Variants in ARHGAP22 observed in about 807,000 individuals in gnomAD.
ARHGAP22 encodes Rho GTPase activating protein 22.
ARHGAP22 carries 48 observed loss-of-function variants against 59.1 expected under a neutral mutation model. The observed-to-expected ratio is 0.81, with a 90% CI of 0.64 to 1.03. The LOEUF is 1.03. Among genes scored for constraint, ARHGAP22 ranks in the 50% least tolerant of loss-of-function variants. The probability of loss-of-function intolerance (pLI) is 0.00; values close to 1 mark genes in which losing one functional copy is unlikely to be tolerated. For synonymous variants in ARHGAP22, 445 were observed against 416.4 expected (o/e 1.07, Z -0.84); for missense variants, 1,015 against 958.7 (o/e 1.06, Z -0.78).
intron 9 of ARHGAP22, 137 bp downstream of exon 9, chr10:48,450,124 G>C: frequency 1.6e-6 from 2 of 1,283,526 alleles, no homozygotes; most frequent in Non-Finnish European, 2.1e-6. Flanking sequence ...CTTTCCCAGA[G>C]CTAGGATTCC....
rs113456135 is a variant in ARHGAP22 at position 48,504,082 on chromosome 10, A to G, written c.323-24318T>C. Among the ~76,000 whole-genome samples the G allele has an allele frequency of 2.7e-3, 404 of 151,788 alleles. 1 individual carries two copies. Among genetic ancestry groups the G allele is most frequent in the African/African-American group, 9.6e-3 (394 of 41,074 alleles). On this transcript the variant is annotated intron_variant, in intron 3 of 9. Coordinates refer to ENST00000249601, the MANE Select transcript of ARHGAP22 (RefSeq NM_021226.4). ...AGGGATGGGAAGGAGGGAGAGCCCC[A>G]CAGGGAAGCTGGATAAGCTGCCTGC...
At chr10:48,508,548 G>A (rs1160083419) in intron 3 of ARHGAP22, among the ~76,000 whole-genome samples, 1 of 152,216 alleles carries the variant, frequency 6.6e-6, no homozygotes, top group Non-Finnish European at 1.5e-5. Flanking sequence ...CCTCCTTTTG[G>A]AGCCATGTCT....
intron 4 of ARHGAP22, among the ~76,000 whole-genome samples, chr10:48,478,255 G>A (rs1004567733): frequency 1.1e-4 from 16 of 152,236 alleles, no homozygotes; most frequent in African/African-American, 3.9e-4. Context: ...TAAGTCAAAT[G>A]TGCTGCAACC....
the ARHGAP22 span, chr10:48,439,238 T>C: frequency 6.6e-6 from 1 of 150,646 alleles, no homozygotes; most frequent in African/African-American, 2.5e-5. Flanking sequence ...TATTGTGGTT[T>C]TTCATCATTC....
rs140526516 is a variant in ARHGAP22, at chr10:48,587,868, T to A, written c.35-4716A>T. On this transcript the variant is annotated intron_variant, in intron 1 of 9. Transcript: ENST00000249601. ...AGGAGCTCAACAAAAACTCGGTAAC[T>A]CATCAGCACAGTCCAGCTCCTCTGA... Among the ~76,000 whole-genome samples the A allele has an allele frequency of 3.9e-3, 591 of 152,346 alleles. 5 individuals are homozygous for A. Among genetic ancestry groups the A allele is most frequent in the Non-Finnish European group, 7.0e-3 (477 of 68,034 alleles).
intron 1 of ARHGAP22, among the ~76,000 whole-genome samples, chr10:48,621,144 T>C (rs1165057993): frequency 6.6e-6 from 1 of 152,272 alleles, no homozygotes; most frequent in Non-Finnish European, 1.5e-5. Context: ...TTAGACTCTT[T>C]CATTGTATAT....
chr10:48,450,269 A>G lies in ARHGAP22; in HGVS notation c.1860T>C (p.Ser620=), dbSNP rs371431450. The part of the protein sequence containing the change: ...LCRQRTEYER[S]VKRIEEGSAD... The stretch of plus-strand genomic sequence containing the variant: ...ACGGGGCAGCAAGTTACCTTTTCAC[A>G]CTCCTCTCGTACTCAGTCCGCTGGC... The change falls in exon 9 of 10, where the codon AGT becomes AGC. Residue 620 remains serine (S), a synonymous_variant. Coordinates refer to ENST00000249601, the MANE Select transcript of ARHGAP22 (RefSeq NM_021226.4). 7 of 1,608,130 alleles carry G rather than the reference A, an allele frequency of 4.4e-6. No homozygotes were observed. Among genetic ancestry groups the G allele is most frequent in the Non-Finnish European group, 5.1e-6 (6 of 1,178,150 alleles).
chr10:48,542,661 G>T (rs1303958003), intron 3 of ARHGAP22, among the ~76,000 whole-genome samples: 2 of 152,184 alleles, frequency 1.3e-5, no homozygotes, highest in African/African-American at 2.4e-5. Flanking sequence ...CTGGGGTTGG[G>T]GTCAGGCACC....
Position 48,583,026 on chromosome 10 carries a change from C to T in ARHGAP22, c.161G>A (p.Trp54Ter), listed in dbSNP as rs1265562893. Residue 54 changes from tryptophan to a stop codon, truncating the protein, a stop_gained, in exon 2 of 10, where the codon TGG becomes TAG. Transcript: ENST00000249601. LOFTEE classifies it high-confidence loss of function. ...ACGCAGCACAAACCAGCGCTGCTGCCAGTTCTTCATGATGCTCCTCTGCTT... is the reference window on the plus strand; with the variant it reads ...ACGCAGCACAAACCAGCGCTGCTGCTAGTTCTTCATGATGCTCCTCTGCTT... Reference protein sequence around the residue: ...LKKQRSIMKNWQQRWFVLRGD... With the variant: ...LKKQRSIMKN 2 of 1,614,150 alleles carry T rather than the reference C, an allele frequency of 1.2e-6. No homozygotes were observed. Among genetic ancestry groups the T allele is most frequent in the African/African-American group, 2.7e-5 (2 of 74,956 alleles).
chr10:48,552,162 C>A (rs1299651822), intron 3 of ARHGAP22, among the ~76,000 whole-genome samples: 1 of 152,268 alleles, frequency 6.6e-6, no homozygotes, highest in African/African-American at 2.4e-5. Flanking sequence ...TAGGCATGAC[C>A]TTCCTTGGAA....
At chr10:48,516,502 T>G (rs2053303650) in intron 3 of ARHGAP22, among the ~76,000 whole-genome samples, 1 of 151,864 alleles carries the variant, frequency 6.6e-6, no homozygotes, top group African/African-American at 2.4e-5. Flanking sequence ...GACTCCAGCC[T>G]GGATGACAGA....
At chr10:48,485,388 G>A (rs998073517) in intron 3 of ARHGAP22, among the ~76,000 whole-genome samples, 5 of 152,146 alleles carry the variant, frequency 3.3e-5, no homozygotes, top group Non-Finnish European at 7.4e-5. Flanking sequence ...AAGTGCGTTA[G>A]TTTCCGAATT....
At chr10:48,438,981 T>G in the ARHGAP22 span, 51 of 152,322 alleles carry the variant, frequency 3.3e-4, no homozygotes, top group African/African-American at 1.2e-3. Context: ...CTGTTAATCT[T>G]TTAGCTGAAT....
intron 1 of ARHGAP22, among the ~76,000 whole-genome samples, chr10:48,603,390 T>C (rs916261708): frequency 2.0e-5 from 3 of 152,246 alleles, no homozygotes; most frequent in Non-Finnish European, 4.4e-5. Context: ...GTAAAATTAG[T>C]TTTAATAATA....
upstream of ARHGAP22, among the ~76,000 whole-genome samples, chr10:48,608,887 A>G (rs1381548169): frequency 1.3e-5 from 2 of 152,250 alleles, no homozygotes; most frequent in African/African-American, 4.8e-5. Flanking sequence ...AAAAACTCAT[A>G]ATTTCCAAAT....
At chr10:48,544,046 C>T (rs1323425267) in intron 3 of ARHGAP22, among the ~76,000 whole-genome samples, 1 of 152,058 alleles carries the variant, frequency 6.6e-6, no homozygotes, top group Non-Finnish European at 1.5e-5. Flanking sequence ...TTGCTTGAAC[C>T]AGGGAGGTGG....
intron 3 of ARHGAP22, among the ~76,000 whole-genome samples, chr10:48,503,704 T>C (rs1390320828): frequency 6.6e-6 from 1 of 152,228 alleles, no homozygotes; most frequent in East Asian, 1.9e-4. Flanking sequence ...GGAACTGCAA[T>C]GTGCATCGAT....
chr10:48,611,333 T>C (rs745862411), intron 1 of ARHGAP22, among the ~76,000 whole-genome samples: 1 of 152,162 alleles, frequency 6.6e-6, no homozygotes, highest in Non-Finnish European at 1.5e-5. Context: ...GAGTGAAACA[T>C]GTCCTTGCTA....
intron 3 of ARHGAP22, among the ~76,000 whole-genome samples, chr10:48,506,044 C>T (rs1232528673): frequency 3.3e-5 from 5 of 152,130 alleles, no homozygotes; most frequent in Admixed American, 3.3e-4. Context: ...ACCGACGCTC[C>T]TTCCCTCTTC....
Sources: gnomAD v4.1 joint callset for allele counts (sites outside exome capture counted in the v4.1 genomes callset) on GRCh38, gnomAD v4.1.1 for gene constraint, MANE v1.5 for transcripts, NCBI Gene and HGNC (gene_info 2026-07-23, HGNC 2026-07-21) for gene names.